ARHGEF3: variants seen among roughly 807,000 people sequenced by gnomAD.
ARHGEF3 encodes the protein 59.8 kDA protein.
ARHGEF3 carries 28 observed loss-of-function variants against 63.2 expected under a neutral mutation model. That is an observed-to-expected ratio of 0.44 (90% CI 0.33 to 0.61). The LOEUF is 0.61. Ranked by LOEUF, ARHGEF3 falls within the 20% of genes least tolerant of loss-of-function variation. The pLI is 0.03. For synonymous variants in ARHGEF3, 266 were observed against 254.2 expected (o/e 1.05, Z -0.44); for missense variants, 533 against 659.3 (o/e 0.81, Z 2.10).
chr3:56,963,605 C>T (rs754893738), intron 2 of ARHGEF3, among the ~76,000 whole-genome samples: 2 of 152,198 alleles, frequency 1.3e-5, no homozygotes, highest in Non-Finnish European at 2.9e-5. Flanking sequence ...GAACATCTTG[C>T]TAACGAAACT....
chr3:57,002,085 G>A (rs1329135443), intron 2 of ARHGEF3, among the ~76,000 whole-genome samples: 1 of 151,686 alleles, frequency 6.6e-6, no homozygotes, highest in Non-Finnish European at 1.5e-5. Context: ...CACCGTGCCT[G>A]GCTAATTTTT....
intron 2 of ARHGEF3, among the ~76,000 whole-genome samples, chr3:56,994,761 C>T (rs759274409): frequency 1.3e-4 from 19 of 151,678 alleles, no homozygotes; most frequent in South Asian, 4.1e-4. Flanking sequence ...ATACAAGATG[C>T]GGCAGGAATG....
At chr3:56,736,807 C>T (rs1016391488) in intron 8 of ARHGEF3, among the ~76,000 whole-genome samples, 7 of 152,126 alleles carry the variant, frequency 4.6e-5, no homozygotes, top group East Asian at 1.9e-4. Flanking sequence ...TTTGAAAGAA[C>T]GAAGGACAGG....
intron 4 of ARHGEF3, among the ~76,000 whole-genome samples, chr3:56,833,464 C>G (rs1474370236): frequency 6.6e-6 from 1 of 152,106 alleles, no homozygotes; most frequent in African/African-American, 2.4e-5. Flanking sequence ...GTATTGTTTT[C>G]TAAGTGTAAA....
intron 3 of ARHGEF3, among the ~76,000 whole-genome samples, chr3:56,886,657 GATA>G (rs1316164855): frequency 6.6e-6 from 1 of 152,166 alleles, no homozygotes; most frequent in Non-Finnish European, 1.5e-5. Context: ...AATTCACACT[GATA>G]ATAATGAAAG....
At chr3:56,827,535 C>T (rs1364480448) in intron 4 of ARHGEF3, among the ~76,000 whole-genome samples, 2 of 152,008 alleles carry the variant, frequency 1.3e-5, no homozygotes, top group Non-Finnish European at 2.9e-5. Flanking sequence ...GGATTAAATG[C>T]ACATGAATGC....
intron 3 of ARHGEF3, among the ~76,000 whole-genome samples, chr3:56,911,327 A>G (rs1221439226): frequency 6.6e-6 from 1 of 152,166 alleles, no homozygotes; most frequent in Non-Finnish European, 1.5e-5. Flanking sequence ...GCAGGTGCCC[A>G]AAGAATGCAG....
chr3:56,949,919 G>T (rs1699716951), intron 3 of ARHGEF3, among the ~76,000 whole-genome samples: 2 of 151,950 alleles, frequency 1.3e-5, no homozygotes, highest in African/African-American at 4.8e-5. Flanking sequence ...CATGGTACTG[G>T]TACCAAAACA....
intron 8 of ARHGEF3, among the ~76,000 whole-genome samples, chr3:56,733,636 G>C (rs1253940327): frequency 6.6e-6 from 1 of 152,048 alleles, no homozygotes; most frequent in Non-Finnish European, 1.5e-5. Context: ...GGAACTCTAA[G>C]TCAGAACAGT....
intron 3 of ARHGEF3, among the ~76,000 whole-genome samples, chr3:56,910,043 C>T (rs917521783): frequency 2.6e-5 from 4 of 152,144 alleles, no homozygotes; most frequent in South Asian, 4.1e-4. Flanking sequence ...AACTTGCGCA[C>T]TTATAAGCAT....
In ARHGEF3 at chr3:56,839,630, G is replaced by A. The variant is rs185239434; in HGVS notation, c.192+42662C>T. Among the ~76,000 whole-genome samples, 31 of 152,222 alleles carry A rather than the reference G, an allele frequency of 2.0e-4. No individual in the cohort carries two copies. In the East Asian group the frequency reaches 4.8e-3, roughly 24 times the overall value. On this transcript the variant is annotated intron_variant, in intron 4 of 12. Coordinates refer to the ARHGEF3 transcript ENST00000338458. ...AAGCTTATTAAAAATATAAAACAACGAAACAAAGAAGAATGAGGTCTTGGT... is the reference window on the plus strand; with the variant it reads ...AAGCTTATTAAAAATATAAAACAACAAAACAAAGAAGAATGAGGTCTTGGT...
At position 56,795,655 on chromosome 3, in the gene ARHGEF3, C is replaced by CTCTCTTTTTTTTT. The variant is rs57400467; in HGVS notation, c.96+6047_96+6048insAAAAAAAAAGAGA. ...TTAACTTGTGACACAGTCTCTCTCT[C>CTCTCTTTTTTTTT]TTTTTTTTTTTTGAAGATGGACTCT... On this transcript the variant is annotated intron_variant, in intron 1 of 9. Coordinates refer to ENST00000296315, the MANE Select transcript of ARHGEF3 (RefSeq NM_019555.3). Among the ~76,000 whole-genome samples the CTCTCTTTTTTTTT allele has an allele frequency of 8.4e-5, 11 of 130,568 alleles. No individual in the cohort carries two copies. The East Asian group carries it at 1.9e-3, about 22-fold the overall frequency. 85.7% of individuals were successfully genotyped at this position (130,568 alleles called of 152,430 possible).
chr3:57,072,560 G>A (rs1179759586), intron 1 of ARHGEF3, among the ~76,000 whole-genome samples: 1 of 151,570 alleles, frequency 6.6e-6, no homozygotes, highest in African/African-American at 2.4e-5. Flanking sequence ...GGGCAACATG[G>A]CAAAACCCTG....
intron 4 of ARHGEF3, among the ~76,000 whole-genome samples, chr3:56,827,751 A>AT (rs2038776497): frequency 2.8e-5 from 1 of 35,708 alleles, no homozygotes; most frequent in Non-Finnish European, 6.3e-5. Context: ...CCCTGTCTCT[A>AT]CAAAAAAAAA....
intron 4 of ARHGEF3, among the ~76,000 whole-genome samples, chr3:56,879,006 G>T (rs1259176588): frequency 6.6e-6 from 1 of 152,164 alleles, no homozygotes; most frequent in Non-Finnish European, 1.5e-5. Context: ...CTAGGTTTTG[G>T]CTCCTTGTGA....
At chr3:56,844,768 T>C (rs1396198590) in intron 4 of ARHGEF3, among the ~76,000 whole-genome samples, 1 of 152,104 alleles carries the variant, frequency 6.6e-6, no homozygotes, top group Non-Finnish European at 1.5e-5. Context: ...CTGGGAGCCT[T>C]CACCAAGTCA....
intron 4 of ARHGEF3, among the ~76,000 whole-genome samples, chr3:56,835,513 T>C (rs1048178950): frequency 6.6e-6 from 1 of 152,158 alleles, no homozygotes; most frequent in Non-Finnish European, 1.5e-5. Flanking sequence ...TACACCCCTA[T>C]TTCACGCATT....
chr3:57,067,748 G>A (rs1056841457), intron 1 of ARHGEF3, among the ~76,000 whole-genome samples: 9 of 150,950 alleles, frequency 6.0e-5, no homozygotes, highest in East Asian at 5.9e-4. Flanking sequence ...TTGAGAGGCC[G>A]AGGCGGGCGG....
At chr3:57,008,287 GAA>G (rs1253835480) in intron 2 of ARHGEF3, among the ~76,000 whole-genome samples, 1 of 152,100 alleles carries the variant, frequency 6.6e-6, no homozygotes, top group Non-Finnish European at 1.5e-5. Context: ...AACCGAGAAT[GAA>G]GACCACGCTC....
Sources: allele counts gnomAD v4.1 joint callset (sites outside exome capture counted in the v4.1 genomes callset), GRCh38; gene constraint gnomAD v4.1.1; transcripts MANE v1.5; gene names NCBI Gene and HGNC (gene_info 2026-07-23, HGNC 2026-07-21).